The following SEPTIN6 variants were observed in gnomAD, a reference collection of about 807,000 sequenced individuals.
SEPTIN6 encodes septin-6.
Under a neutral mutation model 33.6 loss-of-function variants are expected in SEPTIN6, and 8 were observed. The observed-to-expected ratio is 0.24, with a 90% CI of 0.14 to 0.43. The LOEUF (loss-of-function observed/expected upper bound fraction) is 0.43. SEPTIN6 is among the 20% of genes least tolerant of loss of function. SEPTIN6 has a pLI of 1.00. For missense variants in SEPTIN6, 250 were observed against 340.8 expected (o/e 0.73, Z 2.10); for synonymous variants, 131 against 140.0 (o/e 0.94, Z 0.45).
At chrX:119,655,030 AT>A (rs950393600) in intron 3 of SEPTIN6, among the ~76,000 whole-genome samples, 82 of 109,600 alleles carry the variant, frequency 7.5e-4, no homozygotes, top group African/African-American at 1.6e-3. Flanking sequence ...CAATTACGTA[AT>A]TTTTTTTTAC....
In SEPTIN6 at chrX:119,625,362, A is replaced by G; in HGVS notation, c.*14T>C. ...GGACCCTGGGTCTCATGCAGCATGC[A>G]GCAAACAGCAGAGTTAACTGTAAAA... On this transcript the variant is annotated 3_prime_UTR_variant, in exon 10 of 11. Transcript: ENST00000394610. The G allele has an allele frequency of 8.3e-7, 1 of 1,208,000 alleles. No individual in the cohort carries two copies. Among genetic ancestry groups the G allele is most frequent in the Non-Finnish European group, 1.1e-6 (1 of 892,164 alleles).
chrX:119,656,579 C>T (rs1398966995), intron 3 of SEPTIN6, among the ~76,000 whole-genome samples: 1 of 112,664 alleles, frequency 8.9e-6, no homozygotes, highest in East Asian at 2.8e-4. Context: ...TGTCCATCAA[C>T]TGATGACCGG....
intron 3 of SEPTIN6, among the ~76,000 whole-genome samples, chrX:119,654,295 A>T (rs2054399626): frequency 9.0e-6 from 1 of 110,637 alleles, no homozygotes; most frequent in African/African-American, 3.3e-5. Flanking sequence ...CCTCTGTCCC[A>T]GTCCCCTCCC....
chrX:119,668,762 G>A (rs955610002), intron 2 of SEPTIN6, among the ~76,000 whole-genome samples: 1 of 111,748 alleles, frequency 8.9e-6, no homozygotes, highest in Non-Finnish European at 1.9e-5. Flanking sequence ...AGACCAGCCT[G>A]ACCAACATAG....
intron 7 of SEPTIN6, among the ~76,000 whole-genome samples, chrX:119,635,442 C>T (rs768201830): frequency 2.7e-5 from 3 of 110,316 alleles, no homozygotes; most frequent in Admixed American, 9.8e-5. Context: ...GAAAGAATCC[C>T]GGGGGGTATA....
intron 2 of SEPTIN6, among the ~76,000 whole-genome samples, chrX:119,667,232 A>C (rs1021695087): frequency 9.1e-6 from 1 of 109,497 alleles, no homozygotes; most frequent in East Asian, 2.9e-4. Context: ...CTCAGAGAGC[A>C]GGAGATGGGC....
intron 5 of SEPTIN6, among the ~76,000 whole-genome samples, chrX:119,645,352 C>T (rs1392827083): frequency 9.3e-6 from 1 of 107,466 alleles, no homozygotes; most frequent in African/African-American, 3.4e-5. Context: ...GATCCTCCTG[C>T]CTCAGCCTCC....
rs1038339877 is a variant in SEPTIN6 at position 119,619,639 on chromosome X, C to T, written c.*454G>A. 4.5e-5 allele frequency: 38 copies of T among 850,632 alleles called. No homozygotes were observed. The highest frequency in any genetic ancestry group is 6.5e-5 in the Admixed American group (1 of 15,412). The allele number at this position is 850,632 out of a possible 1,213,427, so 70.1% of individuals were successfully genotyped here. ...GACTAGTGACTGGGATACAGGAGAC[C>T]AAGGGGACAGCTGTGCTGATCGGTG... is the stretch of plus-strand genomic sequence containing the variant. On this transcript the variant is annotated 3_prime_UTR_variant, in exon 11 of 11. Transcript: ENST00000394610.
chrX:119,668,283 G>A (rs1046908452), intron 2 of SEPTIN6, among the ~76,000 whole-genome samples: 4 of 109,369 alleles, frequency 3.7e-5, no homozygotes, highest in East Asian at 5.8e-4. Context: ...GCGACAGAGC[G>A]AGATCCTGTC....
chrX:119,677,715 C>T (rs897926350), intron 1 of SEPTIN6, among the ~76,000 whole-genome samples: 9 of 112,370 alleles, frequency 8.0e-5, no homozygotes, highest in African/African-American at 2.9e-4. Context: ...TTGTCAGAAC[C>T]GGCTCCCAGA....
At chrX:119,647,613 G>A (rs145420881) in intron 5 of SEPTIN6, among the ~76,000 whole-genome samples, 1 of 106,715 alleles carries the variant, frequency 9.4e-6, no homozygotes, top group African/African-American at 3.4e-5. Context: ...GCCACCCACC[G>A]ACCAAGTAGC....
rs977195758 is a variant in SEPTIN6 at position 119,643,568 on chromosome X, C to T, written c.691-2780G>A. The stretch of plus-strand genomic sequence containing the variant: ...TCTAGCTCAAAAACATAGCCCCAGC[C>T]CTCCCACAGCACGCTCCTTTGCAGC... On this transcript the variant is annotated intron_variant, in intron 5 of 10. Transcript: ENST00000394610. Among the ~76,000 whole-genome samples the T allele has an allele frequency of 5.4e-5, 6 of 111,391 alleles. No individual in the cohort carries two copies. The South Asian group carries it at 2.3e-3, about 42-fold the overall frequency.
chrX:119,678,901 A>C (rs1381630294), intron 1 of SEPTIN6, among the ~76,000 whole-genome samples: 1 of 111,692 alleles, frequency 9.0e-6, no homozygotes, highest in Non-Finnish European at 1.9e-5. Context: ...TTTCAAACTG[A>C]AGACAGTGCT....
At chrX:119,621,151 T>C (rs2053753739) in intron 10 of SEPTIN6, among the ~76,000 whole-genome samples, 1 of 110,274 alleles carries the variant, frequency 9.1e-6, no homozygotes, top group Admixed American at 9.7e-5. Flanking sequence ...CTTAGAGCTG[T>C]CCTAGTCAGC....
chrX:119,635,851 G>A (rs1305179496), intron 7 of SEPTIN6, among the ~76,000 whole-genome samples: 2 of 111,719 alleles, frequency 1.8e-5, no homozygotes, highest in African/African-American at 6.5e-5. Flanking sequence ...GCAGGGTTAA[G>A]GGAGAGTTTC....
chrX:119,688,066 C>T (rs1012265865), intron 1 of SEPTIN6, among the ~76,000 whole-genome samples: 2 of 112,108 alleles, frequency 1.8e-5, no homozygotes, highest in African/African-American at 6.5e-5. Context: ...GGGGCCTGGC[C>T]GATCAGTGCC....
intron 10 of SEPTIN6, among the ~76,000 whole-genome samples, chrX:119,620,610 C>T (rs1279946365): frequency 1.1e-4 from 12 of 106,859 alleles, no homozygotes; most frequent in African/African-American, 3.8e-4. Flanking sequence ...TGAGCCACTG[C>T]ACCCGGCTCT....
chrX:119,686,704 T>C lies in SEPTIN6; in HGVS notation c.30+6372A>G. ...TATTCTGCGCCCCCCACTCCAGTTGTTACTTAAAATAATCCATCATTACAT... is the reference window on the plus strand; with the variant it reads ...TATTCTGCGCCCCCCACTCCAGTTGCTACTTAAAATAATCCATCATTACAT... On this transcript the variant is annotated intron_variant, in intron 1 of 10. Coordinates refer to ENST00000394610, the MANE Select transcript of SEPTIN6 (RefSeq NM_145799.4). 4 of 603,832 alleles carry C rather than the reference T, an allele frequency of 6.6e-6. No individual in the cohort carries two copies. The South Asian group carries it at 9.6e-5, about 14-fold the overall frequency. 49.8% of individuals were successfully genotyped at this position (603,832 alleles called of 1,213,427 possible).
At chrX:119,646,180 G>T (rs1222456479) in intron 5 of SEPTIN6, among the ~76,000 whole-genome samples, 1 of 111,371 alleles carries the variant, frequency 9.0e-6, no homozygotes, top group Non-Finnish European at 1.9e-5. Flanking sequence ...AAGACCATTG[G>T]CTGATTTGCT....
Sources: gnomAD v4.1 joint callset for allele counts (sites outside exome capture counted in the v4.1 genomes callset) on GRCh38, gnomAD v4.1.1 for gene constraint, MANE v1.5 for transcripts, NCBI Gene and HGNC (gene_info 2026-07-23, HGNC 2026-07-21) for gene names.